CDYL: variants seen among roughly 807,000 people sequenced by gnomAD.
CDYL encodes the protein chromodomain Y like.
A neutral mutation model predicts 47.3 loss-of-function variants in CDYL; 8 were observed. That is an observed-to-expected ratio of 0.17 (90% CI 0.10 to 0.31). The LOEUF is 0.31. CDYL is among the 10% of genes least tolerant of loss of function. CDYL has a pLI of 1.00. For missense variants in CDYL, 471 were observed against 701.4 expected, an observed-to-expected ratio of 0.67 and a Z score of 3.71; for synonymous variants, 266 against 265.0, an observed-to-expected ratio of 1.00 and a Z score of -0.04.
chr6:4,915,554 A>G (rs1757533966), intron 2 of CDYL, among the ~76,000 whole-genome samples: 1 of 152,212 alleles, frequency 6.6e-6, no homozygotes, highest in South Asian at 2.1e-4. Flanking sequence ...ACTGACTAGC[A>G]TTAACATTAA....
At chr6:4,755,499 A>G (rs1758061391) in intron 3 of CDYL, among the ~76,000 whole-genome samples, 1 of 152,162 alleles carries the variant, frequency 6.6e-6, no homozygotes, top group Non-Finnish European at 1.5e-5. Flanking sequence ...ATCATTCTTA[A>G]CAGATGACTC....
intron 3 of CDYL, among the ~76,000 whole-genome samples, chr6:4,766,829 C>G (rs1758258605): frequency 1.3e-5 from 2 of 151,836 alleles, no homozygotes; most frequent in Middle Eastern, 3.4e-3. Flanking sequence ...TCTGGTGAAA[C>G]CCTGTTCTCC....
intron 2 of CDYL, chr6:4,724,570 T>C (rs1757455302): frequency 6.6e-6 from 1 of 152,134 alleles, no homozygotes; most frequent in Non-Finnish European, 1.5e-5. Context: ...GTGTCCGGAG[T>C]TTGTTCCTTC....
At chr6:4,811,288 G>A (rs2127444281) in intron 1 of CDYL, among the ~76,000 whole-genome samples, 2 of 152,312 alleles carry the variant, frequency 1.3e-5, no homozygotes, top group South Asian at 4.1e-4. Context: ...ACTAGCAGTT[G>A]TTTATTTTTA....
At chr6:4,879,543 T>C (rs2127477283) in intron 1 of CDYL, among the ~76,000 whole-genome samples, 1 of 149,520 alleles carries the variant, frequency 6.7e-6, no homozygotes, top group Admixed American at 6.7e-5. Flanking sequence ...TCCATTTCTT[T>C]TTTGTGGGGT....
At chr6:4,847,814 T>C (rs1292067926) in intron 1 of CDYL, among the ~76,000 whole-genome samples, 2 of 152,200 alleles carry the variant, frequency 1.3e-5, no homozygotes, top group Admixed American at 6.5e-5. Flanking sequence ...ACAGCCAAGG[T>C]AGGGCTCAAC....
intron 3 of CDYL, among the ~76,000 whole-genome samples, chr6:4,754,109 T>G (rs1758038651): frequency 6.6e-6 from 1 of 152,092 alleles, no homozygotes; most frequent in African/African-American, 2.4e-5. Flanking sequence ...CACACTACAG[T>G]CTGGGCAATA....
intron 5 of CDYL, among the ~76,000 whole-genome samples, 182 bp from the exon 6 acceptor site, chr6:4,952,084 A>C (rs1758721501): frequency 6.6e-6 from 1 of 152,118 alleles, no homozygotes; most frequent in South Asian, 2.1e-4. Context: ...TTACTTTCCC[A>C]CCTGCCCAAT....
intron 2 of CDYL, among the ~76,000 whole-genome samples, chr6:4,916,909 G>C (rs7770206): frequency 0.84 from 127,450 of 152,234 alleles, 53,553 homozygotes; most frequent in Admixed American, 0.89. Context: ...ACCTCTGACA[G>C]GTGGGCCCTG....
intron 1 of CDYL, among the ~76,000 whole-genome samples, chr6:4,793,856 T>C (rs1758997483): frequency 6.6e-6 from 1 of 152,098 alleles, no homozygotes; most frequent in Non-Finnish European, 1.5e-5. Flanking sequence ...TGGGGTTGAG[T>C]AACTAGAGTG....
intron 1 of CDYL, among the ~76,000 whole-genome samples, chr6:4,793,826 T>A (rs1445180384): frequency 6.6e-6 from 1 of 151,952 alleles, no homozygotes; most frequent in Non-Finnish European, 1.5e-5. Flanking sequence ...TGAGAAGGAA[T>A]AGAAGGGACC....
At chr6:4,735,106 G>A (rs1218657330) in intron 3 of CDYL, among the ~76,000 whole-genome samples, 1 of 152,098 alleles carries the variant, frequency 6.6e-6, no homozygotes, top group Admixed American at 6.6e-5. Flanking sequence ...GACCAACATG[G>A]AGAAACCCCG....
intron 1 of CDYL, among the ~76,000 whole-genome samples, chr6:4,782,331 C>T (rs760830563): frequency 3.3e-5 from 5 of 152,136 alleles, no homozygotes; most frequent in Admixed American, 2.6e-4. Flanking sequence ...ATACTGCAAT[C>T]GTTGCATAAT....
intron 4 of CDYL, among the ~76,000 whole-genome samples, chr6:4,940,071 G>A (rs1758319567): frequency 6.6e-6 from 1 of 152,190 alleles, no homozygotes; most frequent in Non-Finnish European, 1.5e-5. Context: ...ATCAGTAAAA[G>A]CAGAGGAAAG....
chr6:4,924,988 T>C (rs1757824861), intron 2 of CDYL, among the ~76,000 whole-genome samples: 1 of 152,220 alleles, frequency 6.6e-6, no homozygotes, highest in Admixed American at 6.5e-5. Context: ...GAAATTTGCC[T>C]GTAGAAGTGG....
chr6:4,882,275 T>C (rs1275839809), intron 1 of CDYL, among the ~76,000 whole-genome samples: 1 of 152,198 alleles, frequency 6.6e-6, no homozygotes, highest in Non-Finnish European at 1.5e-5. Context: ...CATGGGTCAA[T>C]GGGTGAGATT....
At chr6:4,840,978 T>C (rs1472310762) in intron 1 of CDYL, among the ~76,000 whole-genome samples, 1 of 152,182 alleles carries the variant, frequency 6.6e-6, no homozygotes, top group African/African-American at 2.4e-5. Context: ...ATAGTGTCAA[T>C]AGGATTGGTA....
chr6:4,881,391 G>T (rs1761759233), intron 1 of CDYL, among the ~76,000 whole-genome samples: 2 of 151,994 alleles, frequency 1.3e-5, no homozygotes, highest in Non-Finnish European at 2.9e-5. Context: ...GTGCTTCTGA[G>T]TAATCACTCA....
chr6:4,758,918 T>TGAA (rs1409934337), intron 3 of CDYL, among the ~76,000 whole-genome samples: 3 of 149,922 alleles, frequency 2.0e-5, no homozygotes, highest in Non-Finnish European at 4.5e-5. Context: ...AGACATAGAG[T>TGAA]GAAGAGGCTC....
Sources: allele counts gnomAD v4.1 joint callset (sites outside exome capture counted in the v4.1 genomes callset), GRCh38; gene constraint gnomAD v4.1.1; transcripts MANE v1.5; gene names NCBI Gene and HGNC (gene_info 2026-07-23, HGNC 2026-07-21).